Variants in SYNE2 observed in about 807,000 individuals in gnomAD.
The protein encoded by SYNE2 is nesprin-2.
Under a neutral mutation model 856.3 loss-of-function variants are expected in SYNE2, and 431 were observed. The ratio of observed to expected loss-of-function variants is 0.50; its 90% CI spans 0.47 to 0.55. SYNE2 has a LOEUF of 0.55. Ranked by LOEUF, SYNE2 falls within the 20% of genes least tolerant of loss-of-function variation. The probability of loss-of-function intolerance (pLI) is 0.00; values close to 1 mark genes in which losing one functional copy is unlikely to be tolerated. For missense variants in SYNE2, 8,129 were observed against 8,023.2 expected, an observed-to-expected ratio of 1.01 and a Z score of -0.50; for synonymous variants, 2,923 against 2,872.3, an observed-to-expected ratio of 1.02 and a Z score of -0.56.
At chr14:64,079,559 A>T (rs560761705) in intron 55 of SYNE2, among the ~76,000 whole-genome samples, 3 of 152,200 alleles carry the variant, frequency 2.0e-5, no homozygotes, top group South Asian at 4.1e-4. Flanking sequence ...TAAGAATTGA[A>T]TATTTTACCT....
At chr14:63,917,964 A>C (rs2095551813) in intron 2 of SYNE2, among the ~76,000 whole-genome samples, 1 of 151,970 alleles carries the variant, frequency 6.6e-6, no homozygotes, top group Non-Finnish European at 1.5e-5. Flanking sequence ...GGTCAGTTAC[A>C]TTTTGAAAAC....
intron 58 of SYNE2, among the ~76,000 whole-genome samples, chr14:64,088,445 A>T (rs569936136): frequency 6.6e-6 from 1 of 152,150 alleles, no homozygotes; most frequent in Non-Finnish European, 1.5e-5. Context: ...TAAATGCTGG[A>T]TAGGAAAGAG....
intron 96 of SYNE2, among the ~76,000 whole-genome samples, chr14:64,178,851 C>T (rs1240491404): frequency 1.3e-5 from 2 of 152,080 alleles, no homozygotes; most frequent in African/African-American, 2.4e-5. Flanking sequence ...CGGGAGGATC[C>T]CTTGAGTCCA....
At chr14:63,872,646 C>T (rs911886815) in intron 1 of SYNE2, among the ~76,000 whole-genome samples, 8 of 148,844 alleles carry the variant, frequency 5.4e-5, no homozygotes, top group African/African-American at 7.4e-5. Flanking sequence ...CCTGTAATCC[C>T]GGTTACTTGG....
At position 64,016,520 on chromosome 14, in the gene SYNE2, C is replaced by G. The variant is rs548004575; in HGVS notation, c.4776C>G (p.Asp1592Glu). ...TTAATGAGCATTTAGAAGTTGTAGA[C>G]AAGATAAACCAGGTCTGCAAAAATC... ...EEFNEHLEVV[D>E]KINQVCKNLQ... is the part of the protein sequence containing the mutation. Residue 1592 changes from aspartate (D) to glutamate (E), a missense_variant, in exon 33 of 116, where the codon GAC becomes GAG. Transcript: ENST00000555002. 2.5e-6 allele frequency: 4 copies of G among 1,601,050 alleles called. No individual in the cohort carries two copies. The highest frequency in any genetic ancestry group is 3.4e-6 in the Non-Finnish European group (4 of 1,172,968).
At chr14:64,187,551 A>T (rs1298365464) in intron 97 of SYNE2, among the ~76,000 whole-genome samples, 2 of 152,212 alleles carry the variant, frequency 1.3e-5, no homozygotes, top group African/African-American at 4.8e-5. Context: ...CGAGGAATGG[A>T]AACACAACAC....
Position 64,170,316 on chromosome 14 carries a change from G to T in SYNE2, c.17089G>T (p.Gly5697Trp). 6.2e-7 allele frequency: 1 copy of T among 1,614,132 alleles called. No individual in the cohort carries two copies. The change falls in exon 94 of 116, where the codon GGG becomes TGG. Residue 5697 changes from glycine (G) to tryptophan (W), a missense_variant. Gly to Trp is a radical substitution (Grantham distance 184, BLOSUM62 -2). Around this residue, in one of 3 missense-constraint regions of SYNE2, gnomAD observed 5,410 missense variants for 5,284.8 expected, o/e 1.02. Transcript: ENST00000555002. Reference sequence around the variant, plus strand: ...TCGGCAGAGGAAGGGTGACGTTGATGGGCTGGTGAGGCAGTGGCAAGATTT... The same window carrying T: ...TCGGCAGAGGAAGGGTGACGTTGATTGGCTGGTGAGGCAGTGGCAAGATTT... Reference protein sequence around the residue: ...GVRQRKGDVDGLVRQWQDFTT... With the variant: ...GVRQRKGDVDWLVRQWQDFTT...
chr14:63,914,940 G>C (rs2095516947), intron 2 of SYNE2, among the ~76,000 whole-genome samples: 1 of 152,084 alleles, frequency 6.6e-6, no homozygotes, highest in Non-Finnish European at 1.5e-5. Flanking sequence ...ACCACGCCAA[G>C]CTATTTTTTA....
rs1294759233 is a variant in SYNE2 at position 64,170,300 on chromosome 14, G to A, written c.17073G>A (p.Arg5691=). The change falls in exon 94 of 116, where the codon AGG becomes AGA. Residue 5691 remains arginine (R), a synonymous_variant. Transcript: ENST00000555002. The part of the protein sequence containing the change: ...WQNAVQGVRQ[R]KGDVDGLVRQ... ...ATGCTGTCCAGGGTGTTCGGCAGAG[G>A]AAGGGTGACGTTGATGGGCTGGTGA... 4 of 1,614,178 alleles carry A rather than the reference G, an allele frequency of 2.5e-6. No homozygotes were observed. In the South Asian group the frequency reaches 3.3e-5, roughly 13 times the overall value.
chr14:64,000,077 A>G (rs2096742362), intron 27 of SYNE2, among the ~76,000 whole-genome samples: 1 of 152,236 alleles, frequency 6.6e-6, no homozygotes, highest in Non-Finnish European at 1.5e-5. Flanking sequence ...GCCTTACCAA[A>G]AAAAGCATCA....
chr14:64,136,652 T>G (rs1421917637), intron 78 of SYNE2, among the ~76,000 whole-genome samples: 2 of 152,220 alleles, frequency 1.3e-5, no homozygotes, highest in African/African-American at 2.4e-5. Flanking sequence ...TCATTTTTCT[T>G]TCCGTGAAGT....
Position 63,997,418 on chromosome 14 carries a change from G to A in SYNE2, c.3243+27G>A, listed in dbSNP as rs1469319486. The A allele has an allele frequency of 1.5e-5, 23 of 1,562,502 alleles. No individual in the cohort carries two copies. The South Asian group carries it at 2.5e-4, about 17-fold the overall frequency. ...TGTTAAATGTGGATAATGTATTTTAGAAGTAAACCCAAAGTAAAAGACCAA... is the reference window on the plus strand; with the variant it reads ...TGTTAAATGTGGATAATGTATTTTAAAAGTAAACCCAAAGTAAAAGACCAA... On this transcript the variant is annotated intron_variant, in intron 25 of 115. Transcript: ENST00000555002.
At chr14:63,837,918 C>CAAAAAAAAA (rs34952817) in intron 1 of SYNE2, among the ~76,000 whole-genome samples, 4 of 62,160 alleles carry the variant, frequency 6.4e-5, no homozygotes, top group Middle Eastern at 0.014. Flanking sequence ...GACTCTGTTT[C>CAAAAAAAAA]AAAAAAAAAA....
chr14:63,930,083 G>A (rs2095728512), intron 2 of SYNE2, among the ~76,000 whole-genome samples: 1 of 151,988 alleles, frequency 6.6e-6, no homozygotes, highest in African/African-American at 2.4e-5. Context: ...CCAGGATTTC[G>A]AGACCAGCCT....
intron 1 of SYNE2, among the ~76,000 whole-genome samples, chr14:63,827,294 T>TAAC (rs1889467526): frequency 1.9e-5 from 2 of 105,104 alleles, no homozygotes; most frequent in Non-Finnish European, 4.3e-5. Context: ...AAAAAAAAAT[T>TAAC]ATTGCAACTC....
In SYNE2 at chr14:64,141,388, T is replaced by A; in HGVS notation, c.15024T>A (p.Val5008=). The part of the protein sequence containing the change: ...VDEKSSLKTA[V]ISIGNQLLHL... ...AAAAATCCTCCTTGAAGACTGCCGT[T>A]ATCAGTATCGGGAACCAGCTTCTTC... Residue 5008 remains valine (V), a synonymous_variant, in exon 81 of 116, where the codon GTT becomes GTA. Transcript: ENST00000555002. The A allele has an allele frequency of 6.2e-7, 1 of 1,614,120 alleles. No homozygotes were observed. Among genetic ancestry groups the A allele is most frequent in the Non-Finnish European group, 8.5e-7 (1 of 1,179,972 alleles).
At chr14:64,177,644 TTAGA>T (rs2098441024) in intron 96 of SYNE2, among the ~76,000 whole-genome samples, 161 bp downstream of exon 96, 1 of 152,226 alleles carries the variant, frequency 6.6e-6, no homozygotes, top group African/African-American at 2.4e-5. Context: ...TCTTAAGGAA[TTAGA>T]ATTGATGCTT....
At chr14:63,891,053 T>G (rs2095118733) in intron 1 of SYNE2, among the ~76,000 whole-genome samples, 2 of 152,186 alleles carry the variant, frequency 1.3e-5, no homozygotes, top group Non-Finnish European at 2.9e-5. Flanking sequence ...GAATTTGGTT[T>G]ATATTTTTAT....
chr14:64,040,728 G>C (rs1184757749), intron 45 of SYNE2, among the ~76,000 whole-genome samples: 1 of 150,026 alleles, frequency 6.7e-6, no homozygotes, highest in African/African-American at 2.4e-5. Flanking sequence ...AGTTTTAAGA[G>C]AGCCAGAGGC....
Sources: allele counts gnomAD v4.1 joint callset (sites outside exome capture counted in the v4.1 genomes callset), GRCh38; gene constraint gnomAD v4.1.1; regional missense constraint gnomAD v4.1.1; transcripts MANE v1.5; gene names NCBI Gene and HGNC (gene_info 2026-07-23, HGNC 2026-07-21).